RNF217: variants seen among roughly 807,000 people sequenced by gnomAD.
RNF217 encodes the protein E3 ubiquitin-protein ligase RNF217.
In RNF217, 31 loss-of-function variants were observed where a neutral mutation model predicts 57.8. The ratio of observed to expected loss-of-function variants is 0.54; its 90% CI spans 0.40 to 0.72. RNF217 has a LOEUF of 0.72. RNF217 is among the 30% of genes least tolerant of loss of function. RNF217 has a pLI of 0.00. For synonymous variants in RNF217, 313 were observed against 294.0 expected (o/e 1.06, Z -0.66); for missense variants, 696 against 708.3 (o/e 0.98, Z 0.20).
chr6:125,019,988 T>A (rs1695526701), intron 1 of RNF217, among the ~76,000 whole-genome samples: 1 of 152,200 alleles, frequency 6.6e-6, no homozygotes, highest in Non-Finnish European at 1.5e-5. Flanking sequence ...CTCCAGGTGC[T>A]GTGAAGGCAT....
intron 1 of RNF217, among the ~76,000 whole-genome samples, chr6:124,985,860 G>C (rs1262273734): frequency 6.6e-6 from 1 of 152,104 alleles, no homozygotes; most frequent in African/African-American, 2.4e-5. Context: ...TATTAATAAA[G>C]GGGTGTTGTG....
chr6:125,052,521 G>C (rs2114565871), intron 2 of RNF217, among the ~76,000 whole-genome samples: 1 of 152,064 alleles, frequency 6.6e-6, no homozygotes, highest in East Asian at 1.9e-4. Flanking sequence ...TTCCATGCAG[G>C]GAAGAGATCC....
intron 1 of RNF217, among the ~76,000 whole-genome samples, chr6:124,985,301 A>G (rs930098706): frequency 1.3e-5 from 2 of 152,276 alleles, no homozygotes; most frequent in South Asian, 4.1e-4. Flanking sequence ...TTCTCTTTTT[A>G]TTTTTAATTT....
intron 1 of RNF217, among the ~76,000 whole-genome samples, chr6:125,029,211 T>C (rs1043853775): frequency 6.6e-6 from 1 of 152,184 alleles, no homozygotes; most frequent in African/African-American, 2.4e-5. Flanking sequence ...CCAGTAATAT[T>C]TTTAAGAGAC....
rs1582640147 is a variant in RNF217 at position 124,963,228 on chromosome 6, C to T, written c.684C>T (p.Tyr228=). The T allele has an allele frequency of 6.5e-7, 1 of 1,536,114 alleles. No homozygotes were observed. Among genetic ancestry groups the T allele is most frequent in the South Asian group, 1.2e-5 (1 of 84,058 alleles). The stretch of plus-strand genomic sequence containing the variant: ...GCGGCAGCATCGAGCTGGAGTTCTA[C>T]CTGGCGCCCGAGCCGTTCTCCATGC... ...PDGGSIELEF[Y]LAPEPFSMPS... Residue 228 remains tyrosine (Y), a synonymous_variant, in exon 1 of 6, where the codon TAC becomes TAT. Coordinates refer to ENST00000521654, the MANE Select transcript of RNF217 (RefSeq NM_001286398.3).
rs558770265 is a variant in RNF217, at chr6:124,978,217, C to T, written c.882+14791C>T. Among the ~76,000 whole-genome samples, 3 of 152,142 alleles carry T rather than the reference C, an allele frequency of 2.0e-5. No individual in the cohort carries two copies. The South Asian group carries it at 6.2e-4, about 32-fold the overall frequency. On this transcript the variant is annotated intron_variant, in intron 1 of 5. Transcript: ENST00000521654. The stretch of plus-strand genomic sequence containing the variant: ...TATGAATAAATTGTGTTACAGGATT[C>T]CTTCTGTGCTGCTTCACCAGTCAGA...
chr6:125,044,296 A>G (rs1486089015), intron 1 of RNF217, among the ~76,000 whole-genome samples: 6 of 152,250 alleles, frequency 3.9e-5, no homozygotes, highest in Admixed American at 3.3e-4. Flanking sequence ...TTGTAATGCC[A>G]TGAATATAAA....
intron 1 of RNF217, among the ~76,000 whole-genome samples, chr6:125,016,969 T>TA (rs774403072): frequency 3.9e-5 from 6 of 152,090 alleles, no homozygotes; most frequent in Non-Finnish European, 5.9e-5. Context: ...AGGAAGTGTA[T>TA]AAAAAATAAT....
intron 3 of RNF217, among the ~76,000 whole-genome samples, chr6:125,066,015 C>G (rs1787924022): frequency 6.6e-6 from 1 of 152,172 alleles, no homozygotes; most frequent in Non-Finnish European, 1.5e-5. Context: ...GCTGCTCAGG[C>G]CAAGAACTTT....
chr6:125,080,700 T>C (rs942239096), intron 4 of RNF217, among the ~76,000 whole-genome samples: 1 of 152,142 alleles, frequency 6.6e-6, no homozygotes, highest in East Asian at 1.9e-4. Flanking sequence ...CTGCTATGTA[T>C]ACTTATGGCT....
At chr6:124,991,096 C>G (rs914423588) in intron 1 of RNF217, among the ~76,000 whole-genome samples, 2 of 152,124 alleles carry the variant, frequency 1.3e-5, no homozygotes, top group Admixed American at 6.5e-5. Context: ...ACATGTTGCT[C>G]TTTTACAATG....
intron 1 of RNF217, among the ~76,000 whole-genome samples, chr6:124,998,206 C>T (rs989915960): frequency 7.2e-5 from 11 of 152,130 alleles, no homozygotes; most frequent in Admixed American, 3.3e-4. Flanking sequence ...TATTTTTTCA[C>T]ACTTTACTTC....
intron 1 of RNF217, among the ~76,000 whole-genome samples, chr6:125,020,508 T>G (rs1190781683): frequency 6.6e-6 from 1 of 152,172 alleles, no homozygotes; most frequent in African/African-American, 2.4e-5. Context: ...GTCATCCAGA[T>G]GGTTTGGGAC....
intron 1 of RNF217, among the ~76,000 whole-genome samples, chr6:125,039,228 AT>A (rs983365588): frequency 2.0e-5 from 3 of 150,976 alleles, no homozygotes; most frequent in East Asian, 1.9e-4. Context: ...TATGTACCAC[AT>A]TTTTTTTTCT....
intron 3 of RNF217, 102 bp from the exon 4 acceptor site, chr6:125,076,555 A>G: frequency 2.8e-6 from 2 of 717,014 alleles, no homozygotes; most frequent in South Asian, 1.7e-5. Context: ...AGAGACTTTT[A>G]TTTTGGTGAA....
chr6:125,062,245 C>G (rs1787764265), intron 3 of RNF217, among the ~76,000 whole-genome samples: 1 of 151,998 alleles, frequency 6.6e-6, no homozygotes, highest in East Asian at 1.9e-4. Context: ...TTAAGCATTA[C>G]TTCTCTCTTA....
intron 1 of RNF217, among the ~76,000 whole-genome samples, chr6:125,025,178 G>A (rs980066547): frequency 1.2e-4 from 18 of 152,192 alleles, no homozygotes; most frequent in Non-Finnish European, 1.5e-5. Context: ...TGGACATTTA[G>A]TAACCAGAAG....
At chr6:125,020,790 G>A (rs935834192) in intron 1 of RNF217, among the ~76,000 whole-genome samples, 3 of 151,924 alleles carry the variant, frequency 2.0e-5, no homozygotes, top group South Asian at 2.1e-4. Flanking sequence ...ACAGAAGAGG[G>A]GAAAACAACA....
At chr6:125,068,970 A>G (rs1788038175) in intron 3 of RNF217, among the ~76,000 whole-genome samples, 1 of 152,070 alleles carries the variant, frequency 6.6e-6, no homozygotes, top group Non-Finnish European at 1.5e-5. Flanking sequence ...AAGGAGGGGA[A>G]AACTGGCATC....
Sources: gnomAD v4.1 joint callset for allele counts (sites outside exome capture counted in the v4.1 genomes callset) on GRCh38, gnomAD v4.1.1 for gene constraint, MANE v1.5 for transcripts, NCBI Gene and HGNC (gene_info 2026-07-23, HGNC 2026-07-21) for gene names.